RNF168: variants seen among roughly 807,000 people sequenced by gnomAD.
RNF168 encodes the protein ring finger protein 168, also known as E3 ubiquitin-protein ligase RNF168.
Under a neutral mutation model 34.9 loss-of-function variants are expected in RNF168, and 34 were observed. That is an observed-to-expected ratio of 0.97 (90% CI 0.74 to 1.30). The LOEUF (loss-of-function observed/expected upper bound fraction) is 1.30, where lower values mean the gene tolerates loss of function less well. Among genes scored for constraint, RNF168 ranks in the 50% most tolerant of loss-of-function variants. The pLI, the probability that RNF168 is intolerant of heterozygous loss-of-function variation, is 0.00. For missense variants in RNF168, 725 were observed against 682.5 expected (o/e 1.06, Z -0.69); for synonymous variants, 264 against 254.7 (o/e 1.04, Z -0.35).
intron 1 of RNF168, among the ~76,000 whole-genome samples, chr3:196,499,652 C>T (rs1019192545): frequency 2.0e-5 from 3 of 152,136 alleles, no homozygotes; most frequent in Admixed American, 2.0e-4. Flanking sequence ...AAAACCCCAT[C>T]TCTACTAACA....
intron 4 of RNF168, among the ~76,000 whole-genome samples, chr3:196,480,321 G>A (rs1363042663): frequency 6.6e-6 from 1 of 152,174 alleles, no homozygotes; most frequent in African/African-American, 2.4e-5. Flanking sequence ...TTACTTGGTT[G>A]AAGGGAAAAG....
chr3:196,500,789 GCAAGC>G (rs1217137560), intron 1 of RNF168, among the ~76,000 whole-genome samples: 1 of 151,774 alleles, frequency 6.6e-6, no homozygotes, highest in East Asian at 1.9e-4. Context: ...TCGGCTCACT[GCAAGC>G]TCCGCCTCCC....
rs536286067 is a variant in RNF168, at chr3:196,478,716, A to G, written c.681-3404T>C. Among the ~76,000 whole-genome samples, 3 of 151,882 alleles carry G rather than the reference A, an allele frequency of 2.0e-5. No homozygotes were observed. The East Asian group carries it at 5.8e-4, about 29-fold the overall frequency. ...GAGTCTCACTCTATCGCCCAGACTG[A>G]AGTACAATGGCACAATCTCTGCTCA... On this transcript the variant is annotated intron_variant, in intron 4 of 5. Transcript: ENST00000318037.
At chr3:196,499,707 G>A (rs1732833368) in intron 1 of RNF168, among the ~76,000 whole-genome samples, 1 of 152,050 alleles carries the variant, frequency 6.6e-6, no homozygotes, top group Non-Finnish European at 1.5e-5. Flanking sequence ...TGTAATCCCA[G>A]CTACTCAGGA....
rs1421439724 is a variant in RNF168 at position 196,481,961 on chromosome 3, G to GGT, written c.680+1808_680+1809insAC. ...TTATAGGCATGAGCCACTGTCCCTG[G>GGT]CTTTTTTTTTTTTTTTTTTTTAGAG... On this transcript the variant is annotated intron_variant, in intron 4 of 5. Coordinates refer to ENST00000318037, the MANE Select transcript of RNF168 (RefSeq NM_152617.4). Among the ~76,000 whole-genome samples, 99 of 132,818 alleles carry GGT rather than the reference G, an allele frequency of 7.5e-4. 6 individuals are homozygous for GGT. Among genetic ancestry groups the GGT allele is most frequent in the African/African-American group, 1.8e-3 (63 of 34,180 alleles). 87.1% of individuals were successfully genotyped at this position (132,818 alleles called of 152,430 possible).
chr3:196,486,711 A>C (rs998759563), intron 3 of RNF168, among the ~76,000 whole-genome samples: 7 of 152,230 alleles, frequency 4.6e-5, no homozygotes, highest in South Asian at 4.1e-4. Context: ...AAGGAACGGG[A>C]GTGGAGAGGT....
At chr3:196,481,305 C>T (rs1182376151) in intron 4 of RNF168, among the ~76,000 whole-genome samples, 1 of 152,140 alleles carries the variant, frequency 6.6e-6, no homozygotes, top group Non-Finnish European at 1.5e-5. Context: ...GGCGTGGCGG[C>T]TCACTCCTGT....
chr3:196,490,551 A>C (rs1028930616), intron 1 of RNF168, among the ~76,000 whole-genome samples: 4 of 152,266 alleles, frequency 2.6e-5, no homozygotes, highest in Admixed American at 6.5e-5. Flanking sequence ...GCCACTGTGC[A>C]ATCTATACAT....
chr3:196,472,986 T>G (rs771478603), intron 5 of RNF168, among the ~76,000 whole-genome samples: 4 of 152,044 alleles, frequency 2.6e-5, no homozygotes, highest in African/African-American at 7.2e-5. Flanking sequence ...ACTGCAACCT[T>G]CACCTCCCAG....
At chr3:196,501,350 A>C (rs1280341484) in intron 1 of RNF168, among the ~76,000 whole-genome samples, 1 of 152,258 alleles carries the variant, frequency 6.6e-6, no homozygotes, top group African/African-American at 2.4e-5. Context: ...GATAAACAAA[A>C]TGTAACAAGT....
Position 196,487,477 on chromosome 3 carries a change from C to T in RNF168, c.480G>A (p.Gln160=). ...LAEEEEEEKR[Q]AEKRRRAMEE... is the part of the protein sequence containing the mutation. ...CCATCGCTCTTCGCCTTTTTTCTGC[C>T]TGTCTTTTTTCCTCTTCTTCCTCCT... is the stretch of plus-strand genomic sequence containing the variant. Residue 160 remains glutamine, a synonymous_variant, in exon 3 of 6, where the codon CAG becomes CAA. Coordinates refer to ENST00000318037, the MANE Select transcript of RNF168 (RefSeq NM_152617.4). The T allele has an allele frequency of 1.1e-5, 18 of 1,614,074 alleles. No homozygotes were observed. Among genetic ancestry groups the T allele is most frequent in the Non-Finnish European group, 1.5e-5 (18 of 1,179,930 alleles).
chr3:196,481,482 T>C (rs907933551), intron 4 of RNF168, among the ~76,000 whole-genome samples: 2 of 152,042 alleles, frequency 1.3e-5, no homozygotes, highest in Non-Finnish European at 2.9e-5. Context: ...CACTATGAAG[T>C]ATGATATGTG....
At chr3:196,472,801 A>C (rs1732044696) in intron 5 of RNF168, 29 bp from the exon 6 acceptor site, 2 of 1,355,384 alleles carry the variant, frequency 1.5e-6, no homozygotes, top group Non-Finnish European at 2.1e-6. Context: ...GACTGAGTGA[A>C]CCAGGGGAAA....
intron 1 of RNF168, among the ~76,000 whole-genome samples, chr3:196,502,033 A>G (rs1038470937): frequency 2.0e-5 from 3 of 148,784 alleles, no homozygotes; most frequent in Admixed American, 6.8e-5. Flanking sequence ...GTACACATAT[A>G]ACTGTGACCA....
intron 4 of RNF168, among the ~76,000 whole-genome samples, chr3:196,481,103 G>A (rs1440295266): frequency 6.6e-6 from 1 of 152,078 alleles, no homozygotes; most frequent in Non-Finnish European, 1.5e-5. Flanking sequence ...CTGACTTTTT[G>A]GGTTTTCTAC....
At chr3:196,489,793 A>G (rs1163965196) in intron 1 of RNF168, among the ~76,000 whole-genome samples, 1 of 152,238 alleles carries the variant, frequency 6.6e-6, no homozygotes, top group African/African-American at 2.4e-5. Flanking sequence ...AGGCTCATAG[A>G]GTCCAGAGTG....
intron 1 of RNF168, among the ~76,000 whole-genome samples, chr3:196,494,152 T>C (rs1265166951): frequency 6.6e-6 from 1 of 152,206 alleles, no homozygotes; most frequent in Non-Finnish European, 1.5e-5. Flanking sequence ...CTGGCCTGTT[T>C]GCTATTTCTT....
At position 196,475,222 on chromosome 3, in the gene RNF168, T is replaced by A. The variant is rs778825390; in HGVS notation, c.762+9A>T. 1 of 1,501,298 alleles carries A rather than the reference T, an allele frequency of 6.7e-7. No individual in the cohort carries two copies. The highest frequency in any genetic ancestry group is 9.3e-7 in the Non-Finnish European group (1 of 1,077,154). The allele number at this position is 1,501,298 out of a possible 1,614,324, so 93.0% of individuals were successfully genotyped here. A position where few individuals can be genotyped will look rare whatever the true frequency, so the allele number is the denominator to read the frequency against. ...AGCAAAACTCAGAACATCTTCAGTA[T>A]CAACATACCTTAGATACGGAGTCTT... On this transcript the variant is annotated intron_variant, in intron 5 of 5. Transcript: ENST00000318037.
intron 3 of RNF168, among the ~76,000 whole-genome samples, chr3:196,486,467 G>A (rs1012532400): frequency 6.6e-6 from 1 of 152,002 alleles, no homozygotes; most frequent in African/African-American, 2.4e-5. Context: ...CCCAGCAGGT[G>A]GAGCTCCAGG....
Sources: gnomAD v4.1 joint callset for allele counts (sites outside exome capture counted in the v4.1 genomes callset) on GRCh38, gnomAD v4.1.1 for gene constraint, MANE v1.5 for transcripts, NCBI Gene and HGNC (gene_info 2026-07-23, HGNC 2026-07-21) for gene names.